CEACAM20: variants seen among roughly 807,000 people sequenced by gnomAD.
CEACAM20 encodes cell adhesion molecule CEACAM20.
A neutral mutation model predicts 61.2 loss-of-function variants in CEACAM20; 50 were observed. The observed-to-expected ratio is 0.82, with a 90% CI of 0.65 to 1.03. The LOEUF (loss-of-function observed/expected upper bound fraction) is 1.03. Among genes scored for constraint, CEACAM20 ranks in the 50% least tolerant of loss-of-function variants. The pLI, the probability that CEACAM20 is intolerant of heterozygous loss-of-function variation, is 0.00. For missense variants in CEACAM20, 683 were observed against 736.4 expected (o/e 0.93, Z 0.84); for synonymous variants, 282 against 287.7 (o/e 0.98, Z 0.20).
Position 44,517,003 on chromosome 19 carries a change from C to A in CEACAM20, c.1252G>T (p.Ala418Ser). The change falls in exon 6 of 12, where the codon GCC becomes TCC. Residue 418 changes from alanine (A) to serine (S), a missense_variant. Physicochemically the swap from Ala to Ser is moderately conservative, Grantham distance 99 (BLOSUM62 1). Transcript: ENST00000614924. The part of the protein sequence containing the change: ...WEHDGIYNCT[A>S]SNSLTGLARS... ...GCCAGGCCAGTGAGAGAGTTGGAGG[C>A]TGTGCAGTTGTAGATCCCGTCGTGT... 1 of 1,597,906 alleles carries A rather than the reference C, an allele frequency of 6.3e-7. No individual in the cohort carries two copies.
chr19:44,510,882 T>C (rs982924861), intron 11 of CEACAM20, 148 bp downstream of exon 11: 5 of 876,524 alleles, frequency 5.7e-6, no homozygotes, highest in Non-Finnish European at 6.9e-6. Context: ...GAAAATGACA[T>C]GATGGAAATG....
In CEACAM20 at chr19:44,529,489, C is replaced by T. The variant is rs368734911; in HGVS notation, c.21G>A (p.Trp7Ter). MGPADS[W>*]GHHWMGILLS... ...GCAGGATTCCCATCCAGTGGTGTCC[C>T]CATGAGTCAGCAGGCCCCATGGGTC... The change falls in exon 1 of 12, where the codon TGG becomes TGA. Residue 7 changes from tryptophan to a stop codon, truncating the protein, a stop_gained. Transcript: ENST00000614924. LOFTEE classifies it high-confidence loss of function. 2 of 1,613,760 alleles carry T rather than the reference C, an allele frequency of 1.2e-6. No individual in the cohort carries two copies. The highest frequency in any genetic ancestry group is 1.3e-5 in the African/African-American group (1 of 74,952).
At chr19:44,523,275 G>A (rs2123622708) in intron 3 of CEACAM20, among the ~76,000 whole-genome samples, 1 of 151,972 alleles carries the variant, frequency 6.6e-6, no homozygotes, top group Non-Finnish European at 1.5e-5. Context: ...CCGGTGCAAT[G>A]GCTCATGCCT....
chr19:44,512,775 G>A lies in CEACAM20; in HGVS notation c.1513+93C>T, dbSNP rs373001010. The A allele has an allele frequency of 7.2e-5, 72 of 993,858 alleles. 2 individuals carry two copies. Among genetic ancestry groups the A allele is most frequent in the East Asian group, 4.8e-4 (19 of 39,540 alleles). 61.6% of individuals were successfully genotyped at this position (993,858 alleles called of 1,614,324 possible). On this transcript the variant is annotated intron_variant, in intron 8 of 11. Transcript: ENST00000614924. ...GGACAGGGCTTGCCCTGATCATACA[G>A]TGACCTGGTGGCAAAGCTGGGAGCC...
chr19:44,511,908 C>T, intron 9 of CEACAM20, 109 bp downstream of exon 9: 1 of 1,117,662 alleles, frequency 8.9e-7, no homozygotes, highest in Non-Finnish European at 1.3e-6. Context: ...AGAGACTTAA[C>T]CTGGCACTGG....
At chr19:44,525,026 T>C in intron 2 of CEACAM20, 75 bp downstream of exon 2, 1 of 1,568,160 alleles carries the variant, frequency 6.4e-7, no homozygotes, top group Non-Finnish European at 8.7e-7. Flanking sequence ...TCTGGGGACT[T>C]TGGGCGTGAG....
chr19:44,520,801 T>C lies in CEACAM20; in HGVS notation c.752-49A>G, dbSNP rs112567919. 2.5e-6 allele frequency: 4 copies of C among 1,573,676 alleles called. No homozygotes were observed. The African/African-American group carries it at 4.0e-5, about 16-fold the overall frequency. ...GTCAGGTTCAGGGAGATTTCCCTCA[T>C]CTCCTGCCCTTGTGGGGCCCACAAG... is the stretch of plus-strand genomic sequence containing the variant. On this transcript the variant is annotated intron_variant, in intron 4 of 11. Transcript: ENST00000614924.
At chr19:44,515,380 CA>C (rs1342816590) in intron 6 of CEACAM20, among the ~76,000 whole-genome samples, 1 of 152,126 alleles carries the variant, frequency 6.6e-6, no homozygotes, top group Non-Finnish European at 1.5e-5. Context: ...CCTGTTGCTC[CA>C]TCCATCAAAT....
At chr19:44,509,219 GAAAT>G (rs987205232) in intron 11 of CEACAM20, among the ~76,000 whole-genome samples, 2 of 151,830 alleles carry the variant, frequency 1.3e-5, no homozygotes, top group Non-Finnish European at 2.9e-5. Context: ...CAGAAAGAAA[GAAAT>G]AAAGTAAAAT....
intron 11 of CEACAM20, 124 bp downstream of exon 11, chr19:44,510,906 T>C: frequency 8.8e-7 from 1 of 1,133,762 alleles, no homozygotes; most frequent in Non-Finnish European, 1.3e-6. Context: ...AGGATGGAAT[T>C]GAGAAGATTT....
At chr19:44,518,235 A>AAGGAAGG (rs200258595) in intron 5 of CEACAM20, among the ~76,000 whole-genome samples, 3 of 52,648 alleles carry the variant, frequency 5.7e-5, no homozygotes, top group African/African-American at 5.6e-4. Flanking sequence ...AGAGAGAGAG[A>AAGGAAGG]AAGGAAGGAA....
intron 6 of CEACAM20, among the ~76,000 whole-genome samples, chr19:44,514,660 T>A (rs1016908222): frequency 6.6e-6 from 1 of 151,990 alleles, no homozygotes; most frequent in African/African-American, 2.4e-5. Context: ...GGTTTCGCCA[T>A]GTTGGCCAGG....
intron 1 of CEACAM20, 145 bp downstream of exon 1, chr19:44,529,313 C>A (rs1971638131): frequency 1.4e-6 from 1 of 713,966 alleles, no homozygotes; most frequent in Non-Finnish European, 2.4e-6. Context: ...GTCTCTGTGT[C>A]TCTATTTTTT....
chr19:44,510,601 A>AG (rs1175862016), intron 11 of CEACAM20, among the ~76,000 whole-genome samples: 6 of 76,094 alleles, frequency 7.9e-5, no homozygotes, highest in South Asian at 4.7e-4. Flanking sequence ...AGAAAGAAAG[A>AG]AAGAAAGAAA....
At chr19:44,516,541 T>C (rs545209440) in intron 6 of CEACAM20, among the ~76,000 whole-genome samples, 2 of 152,226 alleles carry the variant, frequency 1.3e-5, no homozygotes, top group African/African-American at 4.8e-5. Context: ...TCTGCCACCA[T>C]GTAAGACATG....
chr19:44,529,617 C>G lies in CEACAM20; in HGVS notation c.-108G>C. ...AGCCCCTCCACCTCCCTTCTCTCCT[C>G]TCCCACCCTGCTACAAACTCACACA... On this transcript the variant is annotated 5_prime_UTR_variant, in exon 1 of 12. Coordinates refer to ENST00000614924, the MANE Select transcript of CEACAM20 (RefSeq NM_001102597.3). 3 of 846,390 alleles carry G rather than the reference C, an allele frequency of 3.5e-6. No individual in the cohort carries two copies. Among genetic ancestry groups the G allele is most frequent in the Non-Finnish European group, 5.8e-6 (3 of 516,114 alleles). 52.4% of individuals were successfully genotyped at this position (846,390 alleles called of 1,614,324 possible).
chr19:44,512,153 C>T (rs933806580), intron 8 of CEACAM20, 75 bp from the exon 9 acceptor site: 1 of 1,121,734 alleles, frequency 8.9e-7, no homozygotes, highest in Non-Finnish European at 1.3e-6. Context: ...TTCCAGGACC[C>T]CTGACCCCAG....
chr19:44,511,555 C>T lies in CEACAM20; in HGVS notation c.1611+82G>A, dbSNP rs1970999718. On this transcript the variant is annotated intron_variant, in intron 10 of 11. Transcript: ENST00000614924. The stretch of plus-strand genomic sequence containing the variant: ...CCATGAAATGTTTAGACAAGATGAT[C>T]TCTCAGGCTTATCACATATAAAATT... The T allele has an allele frequency of 2.2e-6, 3 of 1,343,084 alleles. No homozygotes were observed. The Admixed American group carries it at 5.8e-5, about 26-fold the overall frequency. 83.2% of individuals were successfully genotyped at this position (1,343,084 alleles called of 1,614,324 possible). A position where few individuals can be genotyped will look rare whatever the true frequency, so the allele number is the denominator to read the frequency against.
intron 1 of CEACAM20, among the ~76,000 whole-genome samples, chr19:44,526,904 C>T (rs550144050): frequency 3.2e-4 from 49 of 151,544 alleles, no homozygotes; most frequent in African/African-American, 1.1e-3. Flanking sequence ...AAAAAAAACA[C>T]GAGACTTTGC....
Sources: gnomAD v4.1 joint callset for allele counts (sites outside exome capture counted in the v4.1 genomes callset) on GRCh38, gnomAD v4.1.1 for gene constraint, MANE v1.5 for transcripts, NCBI Gene and HGNC (gene_info 2026-07-23, HGNC 2026-07-21) for gene names.